The following WNK2 variants were observed in gnomAD, a reference collection of about 807,000 sequenced individuals.
WNK2 encodes WNK lysine deficient protein kinase 2, also known as serine/threonine-protein kinase WNK2.
A neutral mutation model predicts 192.1 loss-of-function variants in WNK2; 67 were observed. The observed-to-expected ratio is 0.35, with a 90% CI of 0.29 to 0.43. The LOEUF is 0.43. Among genes scored for constraint, WNK2 ranks in the 20% least tolerant of loss-of-function variants. The probability of loss-of-function intolerance (pLI) is 1.00; values close to 1 mark genes in which losing one functional copy is unlikely to be tolerated. For synonymous variants in WNK2, 1,439 were observed against 1,393.9 expected (o/e 1.03, Z -0.72); for missense variants, 2,698 against 3,089.7 (o/e 0.87, Z 3.01).
intron 2 of WNK2, among the ~76,000 whole-genome samples, chr9:93,226,769 T>G (rs1377803947): frequency 1.3e-5 from 2 of 152,238 alleles, no homozygotes; most frequent in African/African-American, 4.8e-5. Context: ...CCTATGCTTT[T>G]GGCCTTCACC....
chr9:93,209,760 C>T (rs1587899108), intron 2 of WNK2, among the ~76,000 whole-genome samples: 1 of 152,122 alleles, frequency 6.6e-6, no homozygotes, highest in Non-Finnish European at 1.5e-5. Context: ...GGGTGGAGTG[C>T]GTGCTGAAAG....
intron 8 of WNK2, among the ~76,000 whole-genome samples, chr9:93,250,001 C>T (rs1235177910): frequency 1.4e-5 from 2 of 147,122 alleles, no homozygotes; most frequent in African/African-American, 2.5e-5. Context: ...GCAACCTCTG[C>T]CTCCTGGGTT....
At chr9:93,211,679 T>C (rs1563999645) in intron 2 of WNK2, among the ~76,000 whole-genome samples, 1 of 150,254 alleles carries the variant, frequency 6.7e-6, no homozygotes, top group African/African-American at 2.5e-5. Flanking sequence ...TTCACTCCTA[T>C]TCACTCACTC....
Position 93,247,553 on chromosome 9 carries a change from G to C in WNK2, c.1553G>C (p.Gly518Ala). Residue 518 changes from glycine (G) to alanine (A), a missense_variant, in exon 8 of 30, where the codon GGA (glycine) becomes GCA (alanine). Gly to Ala is a moderately conservative substitution (Grantham distance 60). Coordinates refer to ENST00000427277, the MANE Select transcript of WNK2 (RefSeq NM_006648.4). This position sits in a 1 kb window ranked among gnomAD's most constrained non-coding sequence, Gnocchi z 5.2. ...DEVAQEMIES[G>A]FFHESDVKIV... ...TGACTGCCTTTACAGATTGAGTCTG[G>C]ATTCTTCCACGAGAGTGACGTCAAG... The C allele has an allele frequency of 6.2e-7, 1 of 1,610,206 alleles. No individual in the cohort carries two copies. Among genetic ancestry groups the C allele is most frequent in the Non-Finnish European group, 8.5e-7 (1 of 1,178,608 alleles).
intron 7 of WNK2, among the ~76,000 whole-genome samples, chr9:93,244,571 T>C (rs1841357205): frequency 6.6e-6 from 1 of 152,142 alleles, no homozygotes; most frequent in African/African-American, 2.4e-5. Context: ...CAAATAGTAA[T>C]GGCAGCAGGA....
chr9:93,237,045 G>A (rs1839934622), intron 5 of WNK2, among the ~76,000 whole-genome samples: 1 of 152,214 alleles, frequency 6.6e-6, no homozygotes, highest in Non-Finnish European at 1.5e-5. Flanking sequence ...GGTGATGGTG[G>A]CTTTGACAGA....
At chr9:93,262,235 T>C in intron 13 of WNK2, 128 bp downstream of exon 13, 1 of 1,120,084 alleles carries the variant, frequency 8.9e-7, no homozygotes, top group East Asian at 2.6e-5. Context: ...ACCCAGGTTC[T>C]GTTCTCACCT....
At chr9:93,313,350 T>C (rs1344155266) in intron 28 of WNK2, among the ~76,000 whole-genome samples, 1 of 152,122 alleles carries the variant, frequency 6.6e-6, no homozygotes, top group Non-Finnish European at 1.5e-5. Context: ...ATTTGGGTTA[T>C]TGTGTTTTTC....
At chr9:93,308,152 A>C (rs1852951995) in intron 27 of WNK2, 176 bp from the exon 28 acceptor site, 1 of 1,310,830 alleles carries the variant, frequency 7.6e-7, no homozygotes, top group African/African-American at 1.5e-5. Flanking sequence ...ATGCCCCACC[A>C]TGTCTGACCC....
intron 2 of WNK2, among the ~76,000 whole-genome samples, chr9:93,194,009 A>C (rs2154079): frequency 0.3 from 46,260 of 152,054 alleles, 7,234 homozygotes; most frequent in Middle Eastern, 0.35. Flanking sequence ...AATAGAGACA[A>C]GATCATCTTT....
chr9:93,236,952 G>A (rs951061345), intron 5 of WNK2, among the ~76,000 whole-genome samples: 2 of 152,268 alleles, frequency 1.3e-5, no homozygotes, highest in Non-Finnish European at 2.9e-5. Context: ...CACCTTTCCA[G>A]AGACTGACTG....
At chr9:93,308,259 CG>C in intron 27 of WNK2, 68 bp from the exon 28 acceptor site, 6 of 1,500,082 alleles carry the variant, frequency 4.0e-6, no homozygotes, top group Non-Finnish European at 5.4e-6. Flanking sequence ...AGAATGAATG[CG>C]GCCAGCCCAC....
chr9:93,284,898 T>C (rs1364492498), intron 19 of WNK2, among the ~76,000 whole-genome samples: 1 of 152,248 alleles, frequency 6.6e-6, no homozygotes, highest in African/African-American at 2.4e-5. Flanking sequence ...TTTGAGTTGA[T>C]ACCAACTTGA....
intron 19 of WNK2, among the ~76,000 whole-genome samples, chr9:93,269,201 T>C (rs913714901): frequency 3.0e-5 from 3 of 99,376 alleles, no homozygotes; most frequent in African/African-American, 8.9e-5. Flanking sequence ...CATTTATCAC[T>C]GTGCATTGAT....
intron 23 of WNK2, among the ~76,000 whole-genome samples, chr9:93,295,772 C>T (rs1218593367): frequency 6.3e-5 from 9 of 142,170 alleles, no homozygotes; most frequent in Admixed American, 2.1e-4. Flanking sequence ...CCCTCTCCAT[C>T]CTCCCTTCAC....
chr9:93,295,742 TTCCTCCCCTCTCTA>T (rs1588507835), intron 23 of WNK2, among the ~76,000 whole-genome samples: 4 of 52,176 alleles, frequency 7.7e-5, no homozygotes, highest in Non-Finnish European at 1.2e-4. Flanking sequence ...CTCCCCCACC[TTCCTCCCCTCTCTA>T]TCCTCCCCTC....
At chr9:93,316,943 T>A in intron 28 of WNK2, 1 of 160,660 alleles carries the variant, frequency 6.2e-6, no homozygotes. Context: ...CATGCACCTG[T>A]GAAGAGTGCC....
chr9:93,299,467 T>C (rs574134481), intron 25 of WNK2, among the ~76,000 whole-genome samples: 26 of 152,092 alleles, frequency 1.7e-4, no homozygotes, highest in African/African-American at 6.3e-4. Context: ...AAGTCTTGCT[T>C]GTAAGCAGCT....
rs571677585 is a variant in WNK2 at position 93,242,195 on chromosome 9, G to A, written c.1542+2219G>A. ...GCTACAGCTCCCACTGTGGGGTGGC[G>A]CCCAGGCTGGCTTCTCTGTGGGGCT... On this transcript the variant is annotated intron_variant, in intron 7 of 29. Transcript: ENST00000427277. 1.0e-3 allele frequency among the ~76,000 whole-genome samples: 154 copies of A among 152,244 alleles called. 1 individual carries two copies. The highest frequency in any genetic ancestry group is 3.4e-3 in the Middle Eastern group (1 of 294).
Sources: allele counts gnomAD v4.1 joint callset (sites outside exome capture counted in the v4.1 genomes callset), GRCh38; gene constraint gnomAD v4.1.1; non-coding constraint Gnocchi (gnomAD v3.1); transcripts MANE v1.5; gene names NCBI Gene and HGNC (gene_info 2026-07-23, HGNC 2026-07-21).